The following C12orf42 variants were observed in gnomAD, a reference collection of about 807,000 sequenced individuals.
C12orf42 encodes the protein chromosome 12 open reading frame 42.
A neutral mutation model predicts 21.6 loss-of-function variants in C12orf42; 25 were observed. That is an observed-to-expected ratio of 1.16 (90% CI 0.84 to 1.62). The LOEUF (loss-of-function observed/expected upper bound fraction) is 1.62. C12orf42 is among the 40% of genes most tolerant of loss of function. The pLI, the probability that C12orf42 is intolerant of heterozygous loss-of-function variation, is 0.00. For synonymous variants in C12orf42, 174 were observed against 175.0 expected (o/e 0.99, Z 0.05); for missense variants, 483 against 459.3 (o/e 1.05, Z -0.47).
chr12:103,239,906 A>G (rs1378814283), intron 10 of C12orf42, among the ~76,000 whole-genome samples: 1 of 152,194 alleles, frequency 6.6e-6, no homozygotes, highest in African/African-American at 2.4e-5. Flanking sequence ...CTTGCATCCT[A>G]TCTTGGAAGA....
At chr12:103,495,441 C>G (rs1015398280) in intron 1 of C12orf42, among the ~76,000 whole-genome samples, 125 of 151,934 alleles carry the variant, frequency 8.2e-4, no homozygotes, top group Non-Finnish European at 1.5e-3. Context: ...CACCCCTCCC[C>G]CTTCCTGTAT....
chr12:103,118,259 C>A, the C12orf42 span, among the ~76,000 whole-genome samples: 1 of 152,046 alleles, frequency 6.6e-6, no homozygotes, highest in East Asian at 1.9e-4. Context: ...GGTACACACA[C>A]CAAAAGGAGA....
chr12:103,364,192 A>T (rs1213591281), intron 4 of C12orf42, among the ~76,000 whole-genome samples: 1 of 152,080 alleles, frequency 6.6e-6, no homozygotes, highest in Non-Finnish European at 1.5e-5. Flanking sequence ...TCCAGAAAGA[A>T]CTTTCAAAGC....
intron 2 of C12orf42, among the ~76,000 whole-genome samples, chr12:103,442,659 T>C (rs1951324491): frequency 6.6e-6 from 1 of 152,260 alleles, no homozygotes; most frequent in Admixed American, 6.5e-5. Flanking sequence ...ATCTCAGGGC[T>C]TTATGATCAG....
intron 4 of C12orf42, among the ~76,000 whole-genome samples, chr12:103,287,312 C>T (rs545386830): frequency 6.6e-6 from 1 of 152,236 alleles, no homozygotes; most frequent in East Asian, 1.9e-4. Flanking sequence ...CCCAAATGTC[C>T]AACAATGATA....
the C12orf42 span, among the ~76,000 whole-genome samples, chr12:103,121,237 C>T: frequency 6.6e-6 from 1 of 152,152 alleles, no homozygotes; most frequent in East Asian, 1.9e-4. Context: ...TAAAAATAAT[C>T]AGTTATTGAA....
At chr12:103,403,724 T>A (rs148480741) in intron 2 of C12orf42, among the ~76,000 whole-genome samples, 3 of 152,348 alleles carry the variant, frequency 2.0e-5, no homozygotes, top group Non-Finnish European at 4.4e-5. Flanking sequence ...CCCATCCCGA[T>A]AATTTGCGTC....
chr12:103,261,578 T>C (rs1182918961), intron 10 of C12orf42, among the ~76,000 whole-genome samples: 2 of 151,630 alleles, frequency 1.3e-5, no homozygotes, highest in South Asian at 2.1e-4. Context: ...ATACTTAACA[T>C]AGATTATTTC....
downstream of C12orf42, among the ~76,000 whole-genome samples, chr12:103,234,501 C>G (rs1011697594): frequency 6.6e-6 from 1 of 152,008 alleles, no homozygotes; most frequent in African/African-American, 2.4e-5. Flanking sequence ...CCAAATGGAC[C>G]CTCACCCTGC....
chr12:103,291,856 T>G (rs148645105), intron 4 of C12orf42, among the ~76,000 whole-genome samples: 41 of 152,288 alleles, frequency 2.7e-4, no homozygotes, highest in African/African-American at 9.6e-4. Context: ...AGATCTTGTT[T>G]TGATCAATGG....
At chr12:103,108,307 A>G in the C12orf42 span, among the ~76,000 whole-genome samples, 1 of 152,006 alleles carries the variant, frequency 6.6e-6, no homozygotes, top group East Asian at 1.9e-4. Flanking sequence ...TCCCCAAATC[A>G]CTTAAGGAGG....
chr12:103,254,561 C>T (rs2034461011), intron 10 of C12orf42, among the ~76,000 whole-genome samples: 1 of 152,162 alleles, frequency 6.6e-6, no homozygotes, highest in Admixed American at 6.5e-5. Flanking sequence ...TAAGATAGCA[C>T]ATCTACAACC....
At chr12:103,375,043 A>G (rs80214592) in intron 3 of C12orf42, among the ~76,000 whole-genome samples, 7,543 of 152,242 alleles carry the variant, frequency 0.05, 588 homozygotes, top group African/African-American at 0.17. Context: ...GTTGCTGCCA[A>G]TGTAAGTAGT....
downstream of C12orf42, among the ~76,000 whole-genome samples, chr12:103,236,085 AT>A (rs1244336375): frequency 1.4e-5 from 2 of 143,146 alleles, no homozygotes; most frequent in Non-Finnish European, 3.2e-5. Context: ...CAAATGTTTT[AT>A]TTTTTTTCTT....
chr12:103,458,105 C>T (rs892770089), intron 2 of C12orf42, among the ~76,000 whole-genome samples: 2 of 152,166 alleles, frequency 1.3e-5, no homozygotes, highest in Non-Finnish European at 2.9e-5. Context: ...GTCAAGACCA[C>T]AGAAATCTAA....
chr12:103,472,473 C>T (rs1220491619), intron 2 of C12orf42, among the ~76,000 whole-genome samples: 1 of 152,156 alleles, frequency 6.6e-6, no homozygotes, highest in African/African-American at 2.4e-5. Context: ...ATTGATACCT[C>T]AATTATATTT....
At chr12:103,139,927 G>T in the C12orf42 span, among the ~76,000 whole-genome samples, 16 of 152,196 alleles carry the variant, frequency 1.1e-4, no homozygotes, top group African/African-American at 3.9e-4. Context: ...TACTTTTTAA[G>T]TTAAAATACA....
the C12orf42 span, among the ~76,000 whole-genome samples, chr12:103,544,857 C>T: frequency 2.0e-4 from 31 of 152,016 alleles, no homozygotes; most frequent in African/African-American, 7.2e-4. Flanking sequence ...TCTTCCTGTT[C>T]CCTGCTAGGA....
Position 103,389,496 on chromosome 12 carries a change from A to G in C12orf42, c.147+12111T>C, listed in dbSNP as rs530389760. On this transcript the variant is annotated intron_variant, in intron 3 of 5. Coordinates refer to ENST00000548883, the MANE Select transcript of C12orf42 (RefSeq NM_198521.5). ...TGCTGCTTTATATTCTCTTTTCTACATATCTCTTATTGTGGTTCTGGAAGC... is the reference window on the plus strand; with the variant it reads ...TGCTGCTTTATATTCTCTTTTCTACGTATCTCTTATTGTGGTTCTGGAAGC... Among the ~76,000 whole-genome samples the G allele has an allele frequency of 4.6e-5, 7 of 152,244 alleles. No homozygotes were observed. In the East Asian group the frequency reaches 1.4e-3, roughly 29 times the overall value.
Sources: allele counts gnomAD v4.1 joint callset (sites outside exome capture counted in the v4.1 genomes callset), GRCh38; gene constraint gnomAD v4.1.1; transcripts MANE v1.5; gene names NCBI Gene and HGNC (gene_info 2026-07-23, HGNC 2026-07-21).